The following NAA25 variants were observed in gnomAD, a reference collection of about 807,000 sequenced individuals.
NAA25 encodes the protein N-terminal acetyltransferase B complex subunit NAA25.
A neutral mutation model predicts 132.5 loss-of-function variants in NAA25; 30 were observed. That is an observed-to-expected ratio of 0.23 (90% CI 0.17 to 0.31). NAA25 has a LOEUF of 0.31. Among genes scored for constraint, NAA25 ranks in the 10% least tolerant of loss-of-function variants. NAA25 has a pLI of 1.00. For synonymous variants in NAA25, 359 were observed against 401.9 expected, an observed-to-expected ratio of 0.89 and a Z score of 1.28; for missense variants, 771 against 1,150.4, an observed-to-expected ratio of 0.67 and a Z score of 4.77.
intron 22 of NAA25, among the ~76,000 whole-genome samples, chr12:112,038,431 C>T (rs1247009994): frequency 6.6e-6 from 1 of 152,150 alleles, no homozygotes; most frequent in Non-Finnish European, 1.5e-5. Context: ...TGATGTGTTA[C>T]ATGTCACAAG....
At chr12:112,097,806 A>G (rs1439862912) in intron 1 of NAA25, among the ~76,000 whole-genome samples, 2 of 152,018 alleles carry the variant, frequency 1.3e-5, no homozygotes, top group African/African-American at 4.8e-5. Flanking sequence ...TAAGTTGATG[A>G]GTAAGCAGGA....
intron 11 of NAA25, among the ~76,000 whole-genome samples, chr12:112,062,589 G>C (rs968745844): frequency 6.6e-6 from 1 of 151,678 alleles, no homozygotes; most frequent in Admixed American, 6.6e-5. Flanking sequence ...AGCTGGGTGT[G>C]GTGGTGGGTG....
intron 23 of NAA25, among the ~76,000 whole-genome samples, chr12:112,030,120 C>T (rs1053721132): frequency 1.4e-5 from 2 of 142,180 alleles, no homozygotes; most frequent in Non-Finnish European, 3.0e-5. Flanking sequence ...AGCTGAGGCA[C>T]GAGAATTGCT....
rs371046066 is a variant in NAA25 at position 112,083,753 on chromosome 12, G to A, written c.403-2619C>T. The stretch of plus-strand genomic sequence containing the variant: ...AATTTTGTCTTTGAGTTAGAAAACC[G>A]GCTGGGTACAGTGGCTCATGCCTGT... On this transcript the variant is annotated intron_variant, in intron 4 of 23. Coordinates refer to ENST00000261745, the MANE Select transcript of NAA25 (RefSeq NM_024953.4). 5.3e-5 allele frequency among the ~76,000 whole-genome samples: 8 copies of A among 152,210 alleles called. No individual in the cohort carries two copies. The East Asian group carries it at 9.7e-4, about 18-fold the overall frequency.
intron 4 of NAA25, among the ~76,000 whole-genome samples, chr12:112,086,465 A>AGT (rs2079058421): frequency 2.0e-5 from 3 of 152,134 alleles, no homozygotes; most frequent in South Asian, 4.2e-4. Flanking sequence ...ACTGCACTCC[A>AGT]GCCTGGGCAA....
At chr12:112,058,589 G>A (rs1331517347) in intron 13 of NAA25, among the ~76,000 whole-genome samples, 1 of 152,090 alleles carries the variant, frequency 6.6e-6, no homozygotes, top group Admixed American at 6.6e-5. Context: ...TTGAACTACT[G>A]GGCTCAAGCC....
In NAA25 at chr12:112,042,080, C is replaced by G; in HGVS notation, c.2399G>C (p.Arg800Pro). The part of the protein sequence containing the change: ...GLEDTMEIQE[R>P]IENSFKSLLD... ...TAAAGACTTAAAACTATTTTCTATTCGTTCCTGAATCTCCATTGTATCCTC... is the reference window on the plus strand; with the variant it reads ...TAAAGACTTAAAACTATTTTCTATTGGTTCCTGAATCTCCATTGTATCCTC... The change falls in exon 20 of 24, where the codon CGA becomes CCA. Residue 800 changes from arginine (R) to proline (P), a missense_variant. Physicochemically the swap from Arg to Pro is moderately radical, Grantham distance 103. Coordinates refer to ENST00000261745, the MANE Select transcript of NAA25 (RefSeq NM_024953.4). 6.7e-7 allele frequency: 1 copy of G among 1,485,744 alleles called. No homozygotes were observed. Among genetic ancestry groups the G allele is most frequent in the Non-Finnish European group, 8.9e-7 (1 of 1,119,790 alleles). 92.0% of individuals were successfully genotyped at this position (1,485,744 alleles called of 1,614,324 possible).
rs148633753 is a variant in NAA25 at position 112,027,308 on chromosome 12, A to AATATAT, written c.*2217_*2222dup. 4.4e-4 allele frequency: 66 copies of AATATAT among 149,340 alleles called. No individual in the cohort carries two copies. The highest frequency in any genetic ancestry group is 1.4e-3 in the African/African-American group (59 of 40,862). The allele number at this position is 149,340 out of a possible 1,614,324, so 9.3% of individuals were successfully genotyped here. ...AGAGGGTGCTTTTTACTCATGTAAG[A>AATATAT]ATATATATATATATATATTTTTTTA... On this transcript the variant is annotated 3_prime_UTR_variant, in exon 24 of 24. Transcript: ENST00000261745.
At chr12:112,070,010 C>A (rs1301997764) in intron 10 of NAA25, among the ~76,000 whole-genome samples, 1 of 152,034 alleles carries the variant, frequency 6.6e-6, no homozygotes, top group Non-Finnish European at 1.5e-5. Flanking sequence ...CGCCTGTAAT[C>A]CCAGCTACTT....
At position 112,068,957 on chromosome 12, in the gene NAA25, T is replaced by G. The variant is rs1179715467; in HGVS notation, c.1072A>C (p.Lys358Gln). Residue 358 changes from lysine (K) to glutamine (Q), a missense_variant, in exon 11 of 24, where the codon AAG becomes CAG. Lys to Gln is a moderately conservative substitution (Grantham distance 53). Transcript: ENST00000261745. ...PEELMFQYFK[K>Q]FGDKPCCFTD... ...AAACAACAAGGTTTATCGCCAAACT[T>G]TTTAAAATACTGGAACATTAATTCT... 6.2e-7 allele frequency: 1 copy of G among 1,613,058 alleles called. No individual in the cohort carries two copies. The highest frequency in any genetic ancestry group is 1.7e-5 in the Admixed American group (1 of 59,974).
At chr12:112,041,453 G>A (rs1356638033) in intron 20 of NAA25, among the ~76,000 whole-genome samples, 1 of 152,078 alleles carries the variant, frequency 6.6e-6, no homozygotes, top group Admixed American at 6.6e-5. Context: ...CTCCCAAAGT[G>A]CTGGGATTAC....
At chr12:112,088,317 GTTTTTTTTTTTTTT>G (rs1025838850) in intron 3 of NAA25, among the ~76,000 whole-genome samples, 3 of 75,582 alleles carry the variant, frequency 4.0e-5, no homozygotes, top group Admixed American at 3.1e-4. Flanking sequence ...GTATATTGTA[GTTTTTTTTTTTTTT>G]TTTTTTTTTT....
intron 2 of NAA25, among the ~76,000 whole-genome samples, chr12:112,091,313 A>C (rs920289488): frequency 6.6e-6 from 1 of 151,944 alleles, no homozygotes; most frequent in Non-Finnish European, 1.5e-5. Context: ...TTGGGAGACT[A>C]AGGCAGGAGG....
intron 17 of NAA25, among the ~76,000 whole-genome samples, 182 bp from the exon 18 acceptor site, chr12:112,044,050 C>T (rs2078339394): frequency 6.6e-6 from 1 of 151,848 alleles, no homozygotes; most frequent in Admixed American, 6.6e-5. Context: ...GCCTCAGCCT[C>T]CCAAGTAGCT....
At chr12:112,083,752 C>T (rs1016381435) in intron 4 of NAA25, among the ~76,000 whole-genome samples, 2 of 151,802 alleles carry the variant, frequency 1.3e-5, no homozygotes, top group Non-Finnish European at 2.9e-5. Flanking sequence ...GTTAGAAAAC[C>T]GGCTGGGTAC....
intron 11 of NAA25, among the ~76,000 whole-genome samples, chr12:112,062,186 C>G: frequency 6.6e-6 from 1 of 152,042 alleles, no homozygotes; most frequent in Non-Finnish European, 1.5e-5. Context: ...CACTTCAGGC[C>G]AGGAGTTCAA....
In NAA25 at chr12:112,028,879, C is replaced by T. The variant is rs1323145715; in HGVS notation, c.*652G>A. The T allele has an allele frequency of 2.0e-5, 3 of 152,172 alleles. No individual in the cohort carries two copies. The highest frequency in any genetic ancestry group is 1.3e-4 in the Admixed American group (2 of 15,274). 9.4% of individuals were successfully genotyped at this position (152,172 alleles called of 1,614,324 possible). A position where few individuals can be genotyped will look rare whatever the true frequency, so the allele number is the denominator to read the frequency against. On this transcript the variant is annotated 3_prime_UTR_variant, in exon 24 of 24. Coordinates refer to ENST00000261745, the MANE Select transcript of NAA25 (RefSeq NM_024953.4). ...CTGAGATTTTTAACTCTCACAGAAG[C>T]TAGGATGGGGATGTCTTAACTATCA...
chr12:112,100,341 T>C (rs2079275216), intron 1 of NAA25, among the ~76,000 whole-genome samples: 1 of 152,022 alleles, frequency 6.6e-6, no homozygotes, highest in Non-Finnish European at 1.5e-5. Context: ...TTTTTGTATT[T>C]TAGTAGAGAC....
intron 1 of NAA25, among the ~76,000 whole-genome samples, chr12:112,098,819 G>A (rs1032002896): frequency 6.6e-6 from 1 of 151,842 alleles, no homozygotes; most frequent in Non-Finnish European, 1.5e-5. Flanking sequence ...GTGCAGTTGC[G>A]CGATCCCAGC....
Sources: allele counts gnomAD v4.1 joint callset (sites outside exome capture counted in the v4.1 genomes callset), GRCh38; gene constraint gnomAD v4.1.1; transcripts MANE v1.5; gene names NCBI Gene and HGNC (gene_info 2026-07-23, HGNC 2026-07-21).